The following CPQ variants were observed in gnomAD, a reference collection of about 807,000 sequenced individuals.
The protein encoded by CPQ is carboxypeptidase Q.
CPQ carries 37 observed loss-of-function variants against 45.7 expected under a neutral mutation model. That is an observed-to-expected ratio of 0.81 (90% CI 0.62 to 1.07). CPQ has a LOEUF of 1.07. Among genes scored for constraint, CPQ ranks in the 50% least tolerant of loss-of-function variants. The probability of loss-of-function intolerance (pLI) is 0.00; values close to 1 mark genes in which losing one functional copy is unlikely to be tolerated. For synonymous variants in CPQ, 186 were observed against 205.8 expected, an observed-to-expected ratio of 0.90 and a Z score of 0.82; for missense variants, 537 against 572.9, an observed-to-expected ratio of 0.94 and a Z score of 0.64.
At chr8:96,889,776 T>C (rs1356494878) in intron 4 of CPQ, among the ~76,000 whole-genome samples, 1 of 152,132 alleles carries the variant, frequency 6.6e-6, no homozygotes, top group Non-Finnish European at 1.5e-5. Context: ...GCAGGAAGCA[T>C]CCAGTACAGA....
chr8:96,897,656 T>G (rs1316974504), intron 4 of CPQ, among the ~76,000 whole-genome samples: 1 of 152,236 alleles, frequency 6.6e-6, no homozygotes, highest in African/African-American at 2.4e-5. Flanking sequence ...ATTAATTTTG[T>G]GTTTACACTT....
At chr8:96,765,503 GAA>G (rs1237787455) in intron 1 of CPQ, among the ~76,000 whole-genome samples, 1 of 144,664 alleles carries the variant, frequency 6.9e-6, no homozygotes, top group Admixed American at 6.9e-5. Context: ...GAAGAGCCTG[GAA>G]AAAAAAAAAC....
intron 7 of CPQ, among the ~76,000 whole-genome samples, chr8:97,096,462 G>A (rs953954410): frequency 6.6e-6 from 1 of 152,142 alleles, no homozygotes; most frequent in South Asian, 2.1e-4. Flanking sequence ...AATAAGATAT[G>A]AACCTCCCTA....
intron 6 of CPQ, among the ~76,000 whole-genome samples, chr8:97,035,883 A>G (rs1005975410): frequency 2.6e-5 from 4 of 151,790 alleles, no homozygotes; most frequent in African/African-American, 9.7e-5. Flanking sequence ...AATTTTTTGT[A>G]TTTTTAGTAG....
At chr8:96,956,008 G>A (rs1813351548) in intron 4 of CPQ, among the ~76,000 whole-genome samples, 1 of 152,086 alleles carries the variant, frequency 6.6e-6, no homozygotes, top group Non-Finnish European at 1.5e-5. Context: ...GGCAACAAAA[G>A]CCAAAATCGA....
intron 1 of CPQ, among the ~76,000 whole-genome samples, chr8:96,769,229 A>G (rs1043554789): frequency 1.3e-5 from 2 of 152,090 alleles, no homozygotes; most frequent in African/African-American, 2.4e-5. Context: ...TATAGGGGGG[A>G]TCCAAGTCTT....
chr8:96,655,620 C>G (rs1815629185), intron 1 of CPQ, among the ~76,000 whole-genome samples: 1 of 152,146 alleles, frequency 6.6e-6, no homozygotes, highest in African/African-American at 2.4e-5. Context: ...TGCTCTTTGA[C>G]TTACAATGGG....
intron 1 of CPQ, among the ~76,000 whole-genome samples, chr8:96,771,188 CAGAT>C (rs905898079): frequency 2.7e-5 from 4 of 149,380 alleles, no homozygotes; most frequent in African/African-American, 9.8e-5. Context: ...TTTAAAAAAT[CAGAT>C]AGGTAGGACT....
intron 2 of CPQ, among the ~76,000 whole-genome samples, chr8:96,828,353 C>A (rs370110031): frequency 1.3e-5 from 2 of 152,000 alleles, no homozygotes; most frequent in African/African-American, 4.8e-5. Context: ...ACCCTGCAAA[C>A]GTGGCCAGCC....
At chr8:97,103,241 G>A (rs1316918471) in intron 7 of CPQ, among the ~76,000 whole-genome samples, 2 of 152,130 alleles carry the variant, frequency 1.3e-5, no homozygotes, top group African/African-American at 4.8e-5. Flanking sequence ...TTAGGATGTG[G>A]CCAGCCATCT....
At chr8:96,687,771 T>C (rs1317333711) in intron 1 of CPQ, among the ~76,000 whole-genome samples, 2 of 152,140 alleles carry the variant, frequency 1.3e-5, no homozygotes, top group Non-Finnish European at 2.9e-5. Flanking sequence ...AATATCCTGA[T>C]AGTAGATTAT....
At chr8:96,725,425 C>G (rs1268519625) in intron 1 of CPQ, among the ~76,000 whole-genome samples, 1 of 152,038 alleles carries the variant, frequency 6.6e-6, no homozygotes, top group Non-Finnish European at 1.5e-5. Context: ...GGGCAAAGGA[C>G]GTGAACAGAC....
chr8:96,808,673 CG>C, intron 2 of CPQ, among the ~76,000 whole-genome samples: 1 of 152,050 alleles, frequency 6.6e-6, no homozygotes, highest in East Asian at 1.9e-4. Flanking sequence ...TCGTGGTGGC[CG>C]TAAGATGTGA....
intron 6 of CPQ, among the ~76,000 whole-genome samples, chr8:97,032,073 T>C (rs1245947773): frequency 6.6e-6 from 1 of 152,226 alleles, no homozygotes. Flanking sequence ...GACTTCTCTG[T>C]GGCATTACTG....
At chr8:96,983,188 A>G (rs1245522978) in intron 5 of CPQ, among the ~76,000 whole-genome samples, 4 of 152,202 alleles carry the variant, frequency 2.6e-5, no homozygotes, top group African/African-American at 9.6e-5. Context: ...TTGAATTTAC[A>G]TAACTGGTAT....
rs183426927 is a variant in CPQ, at chr8:96,938,594, T to C, written c.850-27341T>C. Among the ~76,000 whole-genome samples, 252 of 152,216 alleles carry C rather than the reference T, an allele frequency of 1.7e-3. 2 individuals carry two copies. The highest frequency in any genetic ancestry group is 0.013 in the Admixed American group (193 of 15,290). ...GGGTGCTGCAGAAAGGACCCTCTAATGGGCACTGAGACCTGTGATGGAGGG... is the reference window on the plus strand; with the variant it reads ...GGGTGCTGCAGAAAGGACCCTCTAACGGGCACTGAGACCTGTGATGGAGGG... On this transcript the variant is annotated intron_variant, in intron 4 of 7. Coordinates refer to ENST00000220763, the MANE Select transcript of CPQ (RefSeq NM_016134.4).
intron 1 of CPQ, among the ~76,000 whole-genome samples, chr8:96,702,976 A>G (rs763709717): frequency 6.6e-6 from 1 of 152,194 alleles, no homozygotes; most frequent in African/African-American, 2.4e-5. Context: ...GATAACCTTC[A>G]TTCAGGCTTT....
At chr8:96,896,758 A>T (rs1586442411) in intron 4 of CPQ, among the ~76,000 whole-genome samples, 1 of 152,298 alleles carries the variant, frequency 6.6e-6, no homozygotes, top group East Asian at 1.9e-4. Context: ...ATGTGCATAT[A>T]GGAGCATCTA....
At chr8:96,759,755 G>A (rs2130790762) in intron 1 of CPQ, among the ~76,000 whole-genome samples, 1 of 152,298 alleles carries the variant, frequency 6.6e-6, no homozygotes, top group Non-Finnish European at 1.5e-5. Flanking sequence ...TAGGAGCCAT[G>A]TCCTCAGCTA....
Sources: allele counts gnomAD v4.1 joint callset (sites outside exome capture counted in the v4.1 genomes callset), GRCh38; gene constraint gnomAD v4.1.1; transcripts MANE v1.5; gene names NCBI Gene and HGNC (gene_info 2026-07-23, HGNC 2026-07-21).